FER: variants seen among roughly 807,000 people sequenced by gnomAD.
FER encodes FER tyrosine kinase.
In FER, 63 loss-of-function variants were observed where a neutral mutation model predicts 111.0. The ratio of observed to expected loss-of-function variants is 0.57; its 90% CI spans 0.46 to 0.70. The LOEUF is 0.70. Ranked by LOEUF, FER falls within the 30% of genes least tolerant of loss-of-function variation. The probability of loss-of-function intolerance (pLI) is 0.00; values close to 1 mark genes in which losing one functional copy is unlikely to be tolerated. For missense variants in FER, 914 were observed against 954.0 expected (o/e 0.96, Z 0.55); for synonymous variants, 327 against 313.9 (o/e 1.04, Z -0.44).
At chr5:108,902,229 GA>G (rs1319092613) in intron 10 of FER, among the ~76,000 whole-genome samples, 2 of 152,148 alleles carry the variant, frequency 1.3e-5, no homozygotes, top group Non-Finnish European at 2.9e-5. Context: ...ATTTAGAGAT[GA>G]TATCTTTGAG....
intron 17 of FER, among the ~76,000 whole-genome samples, chr5:109,173,179 A>T (rs1582384807): frequency 6.6e-6 from 1 of 152,362 alleles, no homozygotes; most frequent in South Asian, 2.1e-4. Flanking sequence ...CAAAAGCAGC[A>T]AGCACTTCTC....
chr5:108,771,159 C>T (rs1752857666), intron 2 of FER, among the ~76,000 whole-genome samples: 1 of 152,066 alleles, frequency 6.6e-6, no homozygotes, highest in South Asian at 2.1e-4. Flanking sequence ...TGGTCTTGAA[C>T]TCCTGCCCTT....
At chr5:108,862,458 T>C (rs1763621853) in intron 5 of FER, among the ~76,000 whole-genome samples, 1 of 152,138 alleles carries the variant, frequency 6.6e-6, no homozygotes, top group South Asian at 2.1e-4. Flanking sequence ...TTTAAATGGT[T>C]TAAATGTCTC....
At chr5:108,965,475 GA>G (rs954953505) in intron 13 of FER, among the ~76,000 whole-genome samples, 4 of 151,246 alleles carry the variant, frequency 2.6e-5, no homozygotes, top group African/African-American at 7.3e-5. Context: ...GTGAAAGAAG[GA>G]AAAAAAACAC....
intron 16 of FER, among the ~76,000 whole-genome samples, chr5:109,092,848 G>C (rs1746995615): frequency 6.6e-6 from 1 of 152,160 alleles, no homozygotes; most frequent in African/African-American, 2.4e-5. Context: ...CCAAGAAGTA[G>C]AGGCAGTGTA....
intron 19 of FER, 113 bp from the exon 20 acceptor site, chr5:109,187,320 C>T: frequency 1.8e-6 from 2 of 1,085,978 alleles, no homozygotes; most frequent in Non-Finnish European, 2.6e-6. Context: ...TGTTTTGTTT[C>T]CATATAACTA....
At chr5:109,098,303 A>G (rs1328426089) in intron 16 of FER, among the ~76,000 whole-genome samples, 1 of 151,830 alleles carries the variant, frequency 6.6e-6, no homozygotes, top group East Asian at 1.9e-4. Flanking sequence ...TGAATAACAA[A>G]TGTGTGTTGG....
intron 13 of FER, among the ~76,000 whole-genome samples, chr5:109,032,284 G>A (rs1769741451): frequency 6.6e-6 from 1 of 152,108 alleles, no homozygotes; most frequent in Admixed American, 6.6e-5. Flanking sequence ...CTAATCATAG[G>A]TTAGAAAAGA....
At chr5:108,785,389 G>A (rs1754588102) in intron 2 of FER, 3 of 587,802 alleles carry the variant, frequency 5.1e-6, no homozygotes, top group South Asian at 4.2e-5. Flanking sequence ...GGGACTTAGG[G>A]GTAAATATCA....
rs74939589 is a variant in FER, at chr5:109,015,318, C to T, written c.1657-22104C>T. ...TAAAACTTGAAATACCAGTTCTTGG[C>T]GTCAAATAATACTTTCTTTTAAAAT... On this transcript the variant is annotated intron_variant, in intron 13 of 19. Transcript: ENST00000281092. 1.0e-2 allele frequency among the ~76,000 whole-genome samples: 1,518 copies of T among 151,966 alleles called. 20 individuals are homozygous for T. Among genetic ancestry groups the T allele is most frequent in the African/African-American group, 0.035 (1,446 of 41,456 alleles).
intron 16 of FER, among the ~76,000 whole-genome samples, chr5:109,075,567 G>C (rs1776236773): frequency 6.6e-6 from 1 of 151,832 alleles, no homozygotes; most frequent in Non-Finnish European, 1.5e-5. Flanking sequence ...GGGACTACAG[G>C]TGCCTGCCAC....
rs147681933 is a variant in FER at position 108,870,210 on chromosome 5, A to G, written c.666-1155A>G. ...TTAGAATTTTAAAAATCCAAGCATGATTATATCACCACAGATGAATCTCAT... is the reference window on the plus strand; with the variant it reads ...TTAGAATTTTAAAAATCCAAGCATGGTTATATCACCACAGATGAATCTCAT... On this transcript the variant is annotated intron_variant, in intron 6 of 19. Transcript: ENST00000281092. 3.7e-3 allele frequency among the ~76,000 whole-genome samples: 558 copies of G among 152,230 alleles called. 1 individual carries two copies. Among genetic ancestry groups the G allele is most frequent in the Non-Finnish European group, 6.8e-3 (465 of 67,972 alleles).
At chr5:109,177,443 C>A (rs780616212) in intron 17 of FER, 38 of 151,306 alleles carry the variant, frequency 2.5e-4, no homozygotes, top group Non-Finnish European at 4.7e-4. Context: ...GCAAAAATTT[C>A]TCTAACTTTT....
chr5:109,125,321 A>G (rs1269124341), intron 17 of FER, among the ~76,000 whole-genome samples: 1 of 152,136 alleles, frequency 6.6e-6, no homozygotes, highest in Non-Finnish European at 1.5e-5. Flanking sequence ...GGATAATTCC[A>G]TAACCATAAA....
chr5:108,888,757 A>G (rs1347304716), intron 9 of FER, among the ~76,000 whole-genome samples: 1 of 151,884 alleles, frequency 6.6e-6, no homozygotes, highest in African/African-American at 2.4e-5. Flanking sequence ...CAAAAGGAAC[A>G]TGTTCATATA....
At chr5:108,962,967 AG>A (rs1352589818) in intron 13 of FER, among the ~76,000 whole-genome samples, 1 of 152,210 alleles carries the variant, frequency 6.6e-6, no homozygotes, top group Non-Finnish European at 1.5e-5. Flanking sequence ...TGTGAGTTTA[AG>A]GAAGAGGAAA....
rs139632111 is a variant in FER, at chr5:109,142,479, A to G, written c.2049-38268A>G. ...TCAAAGAGGTAGGATTCTAGGGACTATAAAACTTATTTTTATAATTAAGAT... is the reference window on the plus strand; with the variant it reads ...TCAAAGAGGTAGGATTCTAGGGACTGTAAAACTTATTTTTATAATTAAGAT... On this transcript the variant is annotated intron_variant, in intron 17 of 19. Coordinates refer to ENST00000281092, the MANE Select transcript of FER (RefSeq NM_005246.4). Among the ~76,000 whole-genome samples the G allele has an allele frequency of 6.4e-4, 98 of 152,294 alleles. 2 individuals carry two copies. Among genetic ancestry groups the G allele is most frequent in the African/African-American group, 2.1e-3 (87 of 41,572 alleles).
In FER at chr5:108,792,678, C is replaced by CT. The variant is rs1170764635; in HGVS notation, c.-59-5435dup. ...CAGTGTCTTAAGCTTACAAGTTTTG[C>CT]TTTTTTTTTTTGTAAAATTTATTCC... is the stretch of plus-strand genomic sequence containing the variant. On this transcript the variant is annotated intron_variant, in intron 2 of 19. Coordinates refer to ENST00000281092, the MANE Select transcript of FER (RefSeq NM_005246.4). Among the ~76,000 whole-genome samples the CT allele has an allele frequency of 5.9e-3, 809 of 138,208 alleles. 1 individual carries two copies. The highest frequency in any genetic ancestry group is 7.0e-3 in the African/African-American group (265 of 37,692). 90.7% of individuals were successfully genotyped at this position (138,208 alleles called of 152,430 possible).
At chr5:108,899,323 C>G (rs1445258504) in intron 10 of FER, among the ~76,000 whole-genome samples, 1 of 152,140 alleles carries the variant, frequency 6.6e-6, no homozygotes, top group Admixed American at 6.5e-5. Context: ...ACCAAGGACC[C>G]TATTAAATTC....
Sources: allele counts gnomAD v4.1 joint callset (sites outside exome capture counted in the v4.1 genomes callset), GRCh38; gene constraint gnomAD v4.1.1; transcripts MANE v1.5; gene names NCBI Gene and HGNC (gene_info 2026-07-23, HGNC 2026-07-21).